The following ELP1 variants were observed in gnomAD, a reference collection of about 807,000 sequenced individuals.
ELP1 encodes elongator complex protein 1.
A neutral mutation model predicts 183.2 loss-of-function variants in ELP1; 131 were observed. The observed-to-expected ratio is 0.72, with a 90% confidence interval of 0.62 to 0.83. The LOEUF (loss-of-function observed/expected upper bound fraction) is 0.83. Among genes scored for constraint, ELP1 ranks in the 40% least tolerant of loss-of-function variants. The pLI, the probability that ELP1 is intolerant of heterozygous loss-of-function variation, is 0.00. For missense variants in ELP1, 1,550 were observed against 1,594.9 expected, an observed-to-expected ratio of 0.97 and a Z score of 0.48; for synonymous variants, 555 against 569.0, an observed-to-expected ratio of 0.98 and a Z score of 0.35.
chr9:108,926,191 T>C (rs1829819006), intron 5 of ELP1, among the ~76,000 whole-genome samples: 1 of 152,218 alleles, frequency 6.6e-6, no homozygotes, highest in Non-Finnish European at 1.5e-5. Flanking sequence ...AAACCAGCCT[T>C]CTATTCCATC....
rs553593741 is a variant in ELP1, at chr9:108,889,472, T to C, written c.3161-79A>G. ...CAAGTGCTTCTTTAATATGTCTTTA[T>C]TATGTATGAAACTATGTACTTTCTG... On this transcript the variant is annotated intron_variant, in intron 28 of 36. Coordinates refer to ENST00000374647, the MANE Select transcript of ELP1 (RefSeq NM_003640.5). The C allele has an allele frequency of 7.2e-5, 91 of 1,260,308 alleles. No individual in the cohort carries two copies. The East Asian group carries it at 2.0e-3, about 27-fold the overall frequency. The allele number at this position is 1,260,308 out of a possible 1,614,324, so 78.1% of individuals were successfully genotyped here. A position where few individuals can be genotyped will look rare whatever the true frequency, so the allele number is the denominator to read the frequency against.
intron 22 of ELP1, 114 bp from the exon 23 acceptor site, chr9:108,897,399 G>C: frequency 1.9e-6 from 2 of 1,066,808 alleles, no homozygotes; most frequent in Non-Finnish European, 1.4e-6. Flanking sequence ...TTTTGGAAAA[G>C]AGTTGAATTA....
intron 3 of ELP1, 117 bp from the exon 4 acceptor site, chr9:108,927,570 G>A (rs1160805860): frequency 5.1e-6 from 4 of 790,920 alleles, no homozygotes; most frequent in African/African-American, 1.7e-5. Flanking sequence ...GTATATGGAA[G>A]AGATATCTGC....
At chr9:108,900,015 TTTTAGCAGA>T in intron 19 of ELP1, 120 bp from the exon 20 acceptor site, 1 of 901,254 alleles carries the variant, frequency 1.1e-6, no homozygotes, top group South Asian at 1.4e-5. Flanking sequence ...ATCAGCACAC[TTTTAGCAGA>T]ATCTTGTTGT....
In ELP1 at chr9:108,919,308, A is replaced by T. The variant is rs916026192; in HGVS notation, c.594T>A (p.Val198=). ...AAAACTGTCCATCCCCCCGCCAGGT[A>T]ACTTGTGGTCTATGGTCATCCCAGG... is the stretch of plus-strand genomic sequence containing the variant. The part of the protein sequence containing the change: ...ALPWDDHRPQ[V]TWRGDGQFFA... The change falls in exon 7 of 37, where the codon GTT becomes GTA. Residue 198 remains valine (V), a synonymous_variant. Transcript: ENST00000374647. The T allele has an allele frequency of 1.2e-6, 2 of 1,613,972 alleles. No homozygotes were observed. Among genetic ancestry groups the T allele is most frequent in the South Asian group, 2.2e-5 (2 of 91,076 alleles).
chr9:108,901,542 G>A lies in ELP1; in HGVS notation c.1909-12C>T, dbSNP rs963492786. On this transcript the variant is annotated splice_polypyrimidine_tract_variant and intron_variant, in intron 17 of 36. Transcript: ENST00000374647. ...ATATTTGACGCAACCTGCAAGAGAA[G>A]GCCAGAGAGGCATGGGTGAAAGCTA... is the stretch of plus-strand genomic sequence containing the variant. 1.7e-5 allele frequency: 28 copies of A among 1,611,806 alleles called. No individual in the cohort carries two copies. Among genetic ancestry groups the A allele is most frequent in the Non-Finnish European group, 2.4e-5 (28 of 1,177,960 alleles).
chr9:108,927,170 C>T (rs1359897269), intron 4 of ELP1, among the ~76,000 whole-genome samples: 1 of 152,006 alleles, frequency 6.6e-6, no homozygotes, highest in Non-Finnish European at 1.5e-5. Flanking sequence ...GGCAAAACTT[C>T]AGTCACCAAA....
intron 5 of ELP1, among the ~76,000 whole-genome samples, chr9:108,923,315 T>C (rs140932660): frequency 6.5e-4 from 99 of 152,308 alleles, no homozygotes; most frequent in African/African-American, 2.2e-3. Context: ...AAGGCTGCAG[T>C]GAGCCCTGAT....
At chr9:108,900,604 C>T (rs1828742216) in intron 18 of ELP1, among the ~76,000 whole-genome samples, 1 of 152,208 alleles carries the variant, frequency 6.6e-6, no homozygotes, top group Non-Finnish European at 1.5e-5. Flanking sequence ...TACACAGCTT[C>T]TCAAATGATG....
At chr9:108,928,111 T>A (rs1012260926) in intron 3 of ELP1, among the ~76,000 whole-genome samples, 4 of 152,226 alleles carry the variant, frequency 2.6e-5, no homozygotes, top group Admixed American at 6.5e-5. Context: ...TATTTTGCAC[T>A]GCATGCCTGT....
chr9:108,883,659 T>A (rs370222368), intron 29 of ELP1, among the ~76,000 whole-genome samples: 8 of 151,574 alleles, frequency 5.3e-5, no homozygotes, highest in African/African-American at 1.7e-4. Context: ...TATTATGGAG[T>A]GAATACTCTT....
At chr9:108,908,782 T>C (rs1409531335) in intron 12 of ELP1, among the ~76,000 whole-genome samples, 3 of 152,204 alleles carry the variant, frequency 2.0e-5, no homozygotes, top group African/African-American at 7.2e-5. Flanking sequence ...TGCAAGCCTT[T>C]AAAAAATTCA....
intron 2 of ELP1, 74 bp from the exon 3 acceptor site, chr9:108,929,995 C>A: frequency 6.7e-7 from 1 of 1,482,174 alleles, no homozygotes; most frequent in South Asian, 1.1e-5. Flanking sequence ...TCCAGAAATA[C>A]TTTTTAATGC....
Position 108,902,923 on chromosome 9 carries a change from A to C in ELP1, c.1770T>G (p.Ile590Met), listed in dbSNP as rs1244617140. 1.2e-6 allele frequency: 2 copies of C among 1,613,852 alleles called. No individual in the cohort carries two copies. The highest frequency in any genetic ancestry group is 2.2e-5 in the East Asian group (1 of 44,886). Residue 590 changes from isoleucine to methionine, a missense_variant, in exon 16 of 37, where the codon ATT (isoleucine) becomes ATG (methionine). Coordinates refer to ENST00000374647, the MANE Select transcript of ELP1 (RefSeq NM_003640.5). ...KYLWESPSLA[I>M]KPWKNSGGFP... ...ATCCACCAGAGTTCTTCCATGGTTT[A>C]ATAGCCAGAGAAGGTGACTCTGCAA...
chr9:108,900,405 A>G, intron 18 of ELP1, 30 bp from the exon 19 acceptor site: 1 of 1,497,054 alleles, frequency 6.7e-7, no homozygotes, highest in Non-Finnish European at 9.3e-7. Flanking sequence ...ATAAGCCTTA[A>G]TTATCACAAC....
intron 29 of ELP1, among the ~76,000 whole-genome samples, chr9:108,883,746 T>C (rs1587876917): frequency 1.3e-5 from 2 of 151,996 alleles, no homozygotes; most frequent in African/African-American, 4.8e-5. Flanking sequence ...TTATTATAAA[T>C]CCTACAGCAA....
At chr9:108,908,472 T>C in intron 12 of ELP1, 68 bp from the exon 13 acceptor site, 1 of 1,166,398 alleles carries the variant, frequency 8.6e-7, no homozygotes, top group Non-Finnish European at 1.3e-6. Context: ...AAGGGGATGG[T>C]GTCTGCAATT....
At position 108,917,662 on chromosome 9, in the gene ELP1, C is replaced by A; in HGVS notation, c.749G>T (p.Gly250Val). ...LGPALAWKPS[G>V]SLIASTQDKP... ...ATCTTGTGTAGATGCAATCAAACTGCCTGAGGGTCTTAAAGCAAACTCAGA... is the reference window on the plus strand; with the variant it reads ...ATCTTGTGTAGATGCAATCAAACTGACTGAGGGTCTTAAAGCAAACTCAGA... The change falls in exon 9 of 37, where the codon GGC (glycine) becomes GTC (valine). Residue 250 changes from glycine (G) to valine (V), a missense_variant. Physicochemically the swap from Gly to Val is moderately radical, Grantham distance 109. Coordinates refer to ENST00000374647, the MANE Select transcript of ELP1 (RefSeq NM_003640.5). 6.2e-7 allele frequency: 1 copy of A among 1,612,494 alleles called. No individual in the cohort carries two copies. The highest frequency in any genetic ancestry group is 8.5e-7 in the Non-Finnish European group (1 of 1,179,468).
In ELP1 at chr9:108,878,039, G is replaced by C; in HGVS notation, c.3811C>G (p.Pro1271Ala). Residue 1271 changes from proline to alanine, a missense_variant, in exon 35 of 37, where the codon CCA becomes GCA. By Grantham distance (27) the Pro-to-Ala change is conservative. Coordinates refer to ENST00000374647, the MANE Select transcript of ELP1 (RefSeq NM_003640.5). ...TGGTAAGTAAGAGTCCAAATTTCTG[G>C]AAGTGACCTTTCCATCAACTGCAGC... ...DTLQLMERSL[P>A]EIWTLTYQQN... 6.2e-7 allele frequency: 1 copy of C among 1,614,174 alleles called. No homozygotes were observed. Among genetic ancestry groups the C allele is most frequent in the Non-Finnish European group, 8.5e-7 (1 of 1,180,026 alleles).
Sources: allele counts gnomAD v4.1 joint callset (sites outside exome capture counted in the v4.1 genomes callset), GRCh38; gene constraint gnomAD v4.1.1; transcripts MANE v1.5; gene names NCBI Gene and HGNC (gene_info 2026-07-23, HGNC 2026-07-21).